The following ADAM32 variants were observed in gnomAD, a reference collection of about 807,000 sequenced individuals.
ADAM32 encodes the protein ADAM metallopeptidase domain 32, also known as disintegrin and metalloproteinase domain-containing protein 32.
ADAM32 carries 89 observed loss-of-function variants against 114.9 expected under a neutral mutation model. That is an observed-to-expected ratio of 0.77 (90% CI 0.65 to 0.92). ADAM32 has a LOEUF of 0.92. Among genes scored for constraint, ADAM32 ranks in the 40% least tolerant of loss-of-function variants. The pLI is 0.00. For missense variants in ADAM32, 870 were observed against 932.8 expected, an observed-to-expected ratio of 0.93 and a Z score of 0.88; for synonymous variants, 285 against 307.5, an observed-to-expected ratio of 0.93 and a Z score of 0.77.
intron 6 of ADAM32, chr8:39,157,691 A>G: frequency 1.1e-6 from 1 of 875,378 alleles, no homozygotes; most frequent in East Asian, 2.8e-5. Context: ...GGTCTGCATC[A>G]AGACTTGTGG....
chr8:39,157,330 T>C (rs969675781), intron 6 of ADAM32, among the ~76,000 whole-genome samples: 2 of 151,956 alleles, frequency 1.3e-5, no homozygotes, highest in Non-Finnish European at 2.9e-5. Flanking sequence ...GATTCATATA[T>C]TTCATCAAAC....
intron 11 of ADAM32, among the ~76,000 whole-genome samples, chr8:39,201,535 G>A (rs963884703): frequency 6.6e-6 from 1 of 152,276 alleles, no homozygotes. Context: ...GGGCTGAGAC[G>A]TTGGGGTTTT....
At position 39,186,132 on chromosome 8, in the gene ADAM32, G is replaced by A. The variant is rs116627684; in HGVS notation, c.916-777G>A. On this transcript the variant is annotated intron_variant, in intron 10 of 24. Coordinates refer to ENST00000379907, the MANE Select transcript of ADAM32 (RefSeq NM_145004.7). ...GCATTTTCCATTGCTCATTTGCAGC[G>A]TTCCCTTTCTGTTCTTCATTATGTG... 3.6e-3 allele frequency among the ~76,000 whole-genome samples: 553 copies of A among 152,244 alleles called. 5 individuals carry two copies. Among genetic ancestry groups the A allele is most frequent in the African/African-American group, 0.012 (496 of 41,554 alleles).
At chr8:39,240,346 C>A (rs1810477690) in intron 16 of ADAM32, among the ~76,000 whole-genome samples, 1 of 152,076 alleles carries the variant, frequency 6.6e-6, no homozygotes, top group Non-Finnish European at 1.5e-5. Context: ...ACAGTGAAAT[C>A]AATAGAAACT....
At chr8:39,156,920 T>A (rs150092319) in intron 6 of ADAM32, among the ~76,000 whole-genome samples, 400 of 152,298 alleles carry the variant, frequency 2.6e-3, no homozygotes, top group African/African-American at 9.4e-3. Flanking sequence ...TGGGGTTAGA[T>A]CTTTAACATA....
chr8:39,269,176 G>T (rs1198986267), intron 19 of ADAM32, among the ~76,000 whole-genome samples: 2 of 152,016 alleles, frequency 1.3e-5, no homozygotes, highest in African/African-American at 2.4e-5. Flanking sequence ...GCCCTTCCTA[G>T]GCCCCCAATT....
At chr8:39,157,121 C>T (rs1352354348) in intron 6 of ADAM32, among the ~76,000 whole-genome samples, 2 of 152,194 alleles carry the variant, frequency 1.3e-5, no homozygotes, top group African/African-American at 4.8e-5. Context: ...CCCACTGCCT[C>T]TGGCCTCCCT....
intron 7 of ADAM32, among the ~76,000 whole-genome samples, chr8:39,163,664 T>C (rs533929967): frequency 1.2e-4 from 18 of 152,310 alleles, no homozygotes; most frequent in Non-Finnish European, 2.5e-4. Flanking sequence ...GTTCTAGCCA[T>C]TGGGGATATA....
chr8:39,281,102 T>C lies in ADAM32; in HGVS notation c.2280-34T>C, dbSNP rs1257654375. 3 of 1,116,176 alleles carry C rather than the reference T, an allele frequency of 2.7e-6. 1 individual carries two copies. The East Asian group carries it at 1.1e-4, about 40-fold the overall frequency. 69.1% of individuals were successfully genotyped at this position (1,116,176 alleles called of 1,614,324 possible). On this transcript the variant is annotated intron_variant, in intron 22 of 24. Coordinates refer to ENST00000379907, the MANE Select transcript of ADAM32 (RefSeq NM_145004.7). The stretch of plus-strand genomic sequence containing the variant: ...TGGCCAATTTATTTTTAATAATAGA[T>C]ATTTAATATATATTGTTTTTAATTT...
At chr8:39,224,639 T>C (rs1809222136) in intron 14 of ADAM32, among the ~76,000 whole-genome samples, 1 of 152,164 alleles carries the variant, frequency 6.6e-6, no homozygotes, top group African/African-American at 2.4e-5. Flanking sequence ...CTGATATATT[T>C]TGGAAATGAA....
intron 6 of ADAM32, among the ~76,000 whole-genome samples, chr8:39,160,481 A>G (rs1198106350): frequency 7.8e-6 from 1 of 127,428 alleles, no homozygotes; most frequent in African/African-American, 3.0e-5. Context: ...CGGAGCTTGC[A>G]GTGAGCTGAG....
intron 6 of ADAM32, among the ~76,000 whole-genome samples, chr8:39,158,872 A>G (rs1313945243): frequency 6.6e-6 from 1 of 151,760 alleles, no homozygotes; most frequent in Non-Finnish European, 1.5e-5. Context: ...TCCTTTTTAT[A>G]ATTTCTATAT....
rs1166770450 is a variant in ADAM32 at position 39,232,094 on chromosome 8, T to C, written c.1593T>C (p.Cys531=). The part of the protein sequence containing the change: ...IQSQSDRFGN[C]GRDRNNKYVF... Reference sequence around the variant, plus strand: ...CTCAATCAGACAGATTTGGGAACTGTGGTAGGGATAGAAATAACAAATATG... The same window carrying C: ...CTCAATCAGACAGATTTGGGAACTGCGGTAGGGATAGAAATAACAAATATG... Residue 531 remains cysteine (C), a synonymous_variant, in exon 15 of 25, where the codon TGT becomes TGC. Transcript: ENST00000379907. The C allele has an allele frequency of 1.9e-6, 3 of 1,611,932 alleles. No individual in the cohort carries two copies. Among genetic ancestry groups the C allele is most frequent in the Admixed American group, 3.3e-5 (2 of 59,926 alleles).
chr8:39,169,839 A>C (rs1805080497), intron 9 of ADAM32, 77 bp from the exon 10 acceptor site: 2 of 1,120,256 alleles, frequency 1.8e-6, no homozygotes, highest in Admixed American at 4.3e-5. Flanking sequence ...TGAACTGCAG[A>C]CTTAAATTAT....
At chr8:39,258,387 C>A (rs917855568) in intron 19 of ADAM32, among the ~76,000 whole-genome samples, 1 of 124,766 alleles carries the variant, frequency 8.0e-6, no homozygotes, top group Non-Finnish European at 1.6e-5. Flanking sequence ...TAGCAAAAAC[C>A]TTCTCCTTAA....
chr8:39,233,372 T>C (rs115676836), intron 15 of ADAM32, among the ~76,000 whole-genome samples: 5,828 of 152,298 alleles, frequency 0.038, 390 homozygotes, highest in African/African-American at 0.13. Context: ...GGGTAACTTC[T>C]TGATGTTGCT....
At chr8:39,196,171 A>C (rs997519440) in intron 11 of ADAM32, among the ~76,000 whole-genome samples, 1 of 152,088 alleles carries the variant, frequency 6.6e-6, no homozygotes, top group Non-Finnish European at 1.5e-5. Flanking sequence ...AGAGGCTACT[A>C]ATTTTTGTAT....
intron 7 of ADAM32, among the ~76,000 whole-genome samples, chr8:39,161,428 C>T (rs1385761170): frequency 6.6e-6 from 1 of 152,130 alleles, no homozygotes; most frequent in Non-Finnish European, 1.5e-5. Flanking sequence ...TGGTGGGGCA[C>T]CCATTCTAGT....
intron 11 of ADAM32, among the ~76,000 whole-genome samples, chr8:39,208,608 T>C: frequency 6.6e-6 from 1 of 152,308 alleles, no homozygotes; most frequent in East Asian, 1.9e-4. Context: ...TCCACTTTCA[T>C]TGGTCTAAGA....
Sources: allele counts gnomAD v4.1 joint callset (sites outside exome capture counted in the v4.1 genomes callset), GRCh38; gene constraint gnomAD v4.1.1; transcripts MANE v1.5; gene names NCBI Gene and HGNC (gene_info 2026-07-23, HGNC 2026-07-21).